The following SLC66A2 variants were observed in gnomAD, a reference collection of about 807,000 sequenced individuals.
The protein encoded by SLC66A2 is solute carrier family 66 member 2, also known as PQ loop repeat containing 1.
SLC66A2 carries 23 observed loss-of-function variants against 25.5 expected under a neutral mutation model. The ratio of observed to expected loss-of-function variants is 0.90; its 90% CI spans 0.65 to 1.28. The LOEUF (loss-of-function observed/expected upper bound fraction) is 1.28. Among genes scored for constraint, SLC66A2 ranks in the 50% most tolerant of loss-of-function variants. SLC66A2 has a pLI of 0.00. For synonymous variants in SLC66A2, 193 were observed against 166.5 expected, an observed-to-expected ratio of 1.16 and a Z score of -1.23; for missense variants, 396 against 373.1, an observed-to-expected ratio of 1.06 and a Z score of -0.51.
At chr18:79,948,343 C>G (rs980052122) in intron 2 of SLC66A2, among the ~76,000 whole-genome samples, 1 of 152,134 alleles carries the variant, frequency 6.6e-6, no homozygotes, top group African/African-American at 2.4e-5. Context: ...CTTAGATGGA[C>G]ATTAGATAGA....
chr18:79,912,306 T>C (rs2123239943), intron 5 of SLC66A2, among the ~76,000 whole-genome samples: 1 of 152,236 alleles, frequency 6.6e-6, no homozygotes, highest in South Asian at 2.1e-4. Flanking sequence ...GTCCATCACA[T>C]GTAACAGCAT....
intron 5 of SLC66A2, among the ~76,000 whole-genome samples, chr18:79,914,542 A>G (rs2123257507): frequency 6.7e-6 from 1 of 150,020 alleles, no homozygotes; most frequent in South Asian, 2.2e-4. Context: ...CCACAGGAGC[A>G]CCCAGGAAGT....
At chr18:79,936,268 A>G (rs1055725119) in intron 3 of SLC66A2, among the ~76,000 whole-genome samples, 1 of 152,178 alleles carries the variant, frequency 6.6e-6, no homozygotes, top group African/African-American at 2.4e-5. Flanking sequence ...CGAGCCCCCA[A>G]TGGGAGGTAC....
chr18:79,914,676 C>T (rs1031657717), intron 5 of SLC66A2, among the ~76,000 whole-genome samples: 4 of 152,240 alleles, frequency 2.6e-5, no homozygotes, highest in African/African-American at 9.6e-5. Flanking sequence ...CAGAAGACCA[C>T]ACAGCAAGGG....
intron 5 of SLC66A2, among the ~76,000 whole-genome samples, chr18:79,909,806 A>AC (rs1216343690): frequency 1.3e-5 from 1 of 75,188 alleles, no homozygotes. Flanking sequence ...CCACCATCTC[A>AC]CAAGAGTCCC....
At chr18:79,934,168 T>A (rs2277725) in intron 3 of SLC66A2, 146 bp from the exon 4 acceptor site, 2 of 696,240 alleles carry the variant, frequency 2.9e-6, no homozygotes, top group South Asian at 3.8e-5. Context: ...GATCACAAGA[T>A]TTTGGTTTTT....
intron 5 of SLC66A2, among the ~76,000 whole-genome samples, chr18:79,914,193 C>T (rs981609480): frequency 1.3e-5 from 2 of 152,230 alleles, no homozygotes; most frequent in South Asian, 2.1e-4. Flanking sequence ...CGTGAGCCAC[C>T]GCGCCCAGCC....
intron 2 of SLC66A2, chr18:79,944,666 A>C (rs1195713002): frequency 6.6e-6 from 1 of 152,444 alleles, no homozygotes; most frequent in Non-Finnish European, 1.5e-5. Flanking sequence ...AATCTCAATC[A>C]GCCTGCAGTT....
chr18:79,909,422 C>T (rs1218214004), intron 5 of SLC66A2, among the ~76,000 whole-genome samples: 3 of 152,080 alleles, frequency 2.0e-5, no homozygotes, highest in African/African-American at 7.2e-5. Flanking sequence ...ACCCAACCTT[C>T]CCCATCAGAG....
At chr18:79,950,415 C>A (rs1461240127) in intron 2 of SLC66A2, among the ~76,000 whole-genome samples, 1 of 152,186 alleles carries the variant, frequency 6.6e-6, no homozygotes, top group East Asian at 1.9e-4. Flanking sequence ...CGGCTCCTCT[C>A]CACAGGCAGG....
chr18:79,933,932 G>A (rs908902440), intron 4 of SLC66A2, 37 bp downstream of exon 4: 2 of 1,583,778 alleles, frequency 1.3e-6, no homozygotes, highest in Non-Finnish European at 1.7e-6. Flanking sequence ...GAAGCAAAAG[G>A]AACGTGCTGC....
intron 3 of SLC66A2, among the ~76,000 whole-genome samples, chr18:79,939,084 CTCTT>C (rs1487952707): frequency 2.6e-5 from 4 of 152,224 alleles, no homozygotes; most frequent in Admixed American, 2.0e-4. Flanking sequence ...AAGTAACCTA[CTCTT>C]TCTTAATACC....
Position 79,917,607 on chromosome 18 carries a change from G to A in SLC66A2, c.608+1577C>T, listed in dbSNP as rs9955631. Among the ~76,000 whole-genome samples the A allele has an allele frequency of 2.1e-3, 322 of 152,126 alleles. 2 individuals carry two copies. Among genetic ancestry groups the A allele is most frequent in the African/African-American group, 7.4e-3 (306 of 41,498 alleles). ...TCCAGCCGGGGAGCCTACATACGAC[G>A]CCCGCCCTGAGACCCACTTTCTCTC... On this transcript the variant is annotated intron_variant, in intron 5 of 5. Coordinates refer to ENST00000397778, the MANE Select transcript of SLC66A2 (RefSeq NM_025078.5). The surrounding 1 kb of genome is among the most constrained non-coding windows in gnomAD (Gnocchi z 6.0).
rs546984466 is a variant in SLC66A2 at position 79,936,463 on chromosome 18, C to T, written c.338-2441G>A. On this transcript the variant is annotated intron_variant, in intron 3 of 5. Transcript: ENST00000397778. ...TAGGATATCCACAGTTGTGCAAACA[C>T]CATCACTATCTAATTTCAGGACATC... Among the ~76,000 whole-genome samples, 8 of 152,284 alleles carry T rather than the reference C, an allele frequency of 5.3e-5. No homozygotes were observed. In the East Asian group the frequency reaches 1.4e-3, roughly 26 times the overall value.
At chr18:79,945,553 C>A (rs1047440778) in intron 2 of SLC66A2, among the ~76,000 whole-genome samples, 2 of 152,214 alleles carry the variant, frequency 1.3e-5, no homozygotes, top group African/African-American at 2.4e-5. Context: ...GAGAAACACA[C>A]AAGGCAAGAC....
intron 1 of SLC66A2, 69 bp from the exon 2 acceptor site, chr18:79,951,094 G>T: frequency 2.7e-6 from 1 of 375,010 alleles, no homozygotes; most frequent in Non-Finnish European, 4.4e-6. Context: ...GACCCGACCC[G>T]ACCCGCGCCA....
intron 3 of SLC66A2, among the ~76,000 whole-genome samples, chr18:79,938,730 G>A (rs952875638): frequency 1.3e-5 from 2 of 152,242 alleles, no homozygotes; most frequent in Non-Finnish European, 2.9e-5. Flanking sequence ...AGGCTGGAAT[G>A]CAATGGCCCA....
chr18:79,919,410 G>C lies in SLC66A2; in HGVS notation c.392-10C>G. 1.2e-6 allele frequency: 2 copies of C among 1,612,038 alleles called. No individual in the cohort carries two copies. Among genetic ancestry groups the C allele is most frequent in the South Asian group, 1.1e-5 (1 of 91,032 alleles). ...TGGTGGGGGTCGAAGTCTAGGGCGA[G>C]AGGGAGAAGCAGCCTCAGCACAGCT... On this transcript the variant is annotated splice_polypyrimidine_tract_variant and intron_variant, in intron 4 of 5. Coordinates refer to ENST00000397778, the MANE Select transcript of SLC66A2 (RefSeq NM_025078.5).
intron 3 of SLC66A2, among the ~76,000 whole-genome samples, chr18:79,936,554 G>A (rs2144900044): frequency 6.6e-6 from 1 of 152,308 alleles, no homozygotes. Context: ...CCTCCAGCCT[G>A]GAACTGAGTG....
Sources: gnomAD v4.1 joint callset for allele counts (sites outside exome capture counted in the v4.1 genomes callset) on GRCh38, gnomAD v4.1.1 for gene constraint, Gnocchi (gnomAD v3.1) non-coding constraint, MANE v1.5 for transcripts, NCBI Gene and HGNC (gene_info 2026-07-23, HGNC 2026-07-21) for gene names.